PDE3B: variants seen among roughly 807,000 people sequenced by gnomAD.
The protein encoded by PDE3B is phosphodiesterase 3B, also known as cGMP-inhibited 3',5'-cyclic phosphodiesterase 3B.
In PDE3B, 66 loss-of-function variants were observed where a neutral mutation model predicts 116.8. That is an observed-to-expected ratio of 0.56 (90% CI 0.46 to 0.69). PDE3B has a LOEUF of 0.69. PDE3B is among the 30% of genes least tolerant of loss of function. The pLI is 0.00. For synonymous variants in PDE3B, 595 were observed against 533.6 expected, an observed-to-expected ratio of 1.12 and a Z score of -1.59; for missense variants, 1,384 against 1,368.1, an observed-to-expected ratio of 1.01 and a Z score of -0.18.
chr11:14,668,890 G>T (rs1274168411), intron 1 of PDE3B, among the ~76,000 whole-genome samples: 1 of 152,180 alleles, frequency 6.6e-6, no homozygotes, highest in Non-Finnish European at 1.5e-5. Flanking sequence ...GTTTGTCTCG[G>T]ACTGAGATCA....
chr11:14,740,691 GT>G (rs2133864880), intron 1 of PDE3B, among the ~76,000 whole-genome samples: 1 of 152,260 alleles, frequency 6.6e-6, no homozygotes, highest in East Asian at 1.9e-4. Flanking sequence ...TAATTGTGAT[GT>G]TAGTGCATCG....
chr11:14,877,925 C>T, the PDE3B span: 1 of 579,576 alleles, frequency 1.7e-6, no homozygotes, highest in East Asian at 2.9e-5. Flanking sequence ...AGAATTTTAC[C>T]CCAGAAGTCA....
At chr11:14,838,092 C>T (rs1860113777) in intron 11 of PDE3B, among the ~76,000 whole-genome samples, 2 of 151,990 alleles carry the variant, frequency 1.3e-5, no homozygotes, top group African/African-American at 4.8e-5. Flanking sequence ...GATTCTCCTG[C>T]CTCAGCCTCC....
intron 1 of PDE3B, among the ~76,000 whole-genome samples, chr11:14,667,341 G>A (rs1164905714): frequency 6.6e-6 from 1 of 150,704 alleles, no homozygotes; most frequent in Non-Finnish European, 1.5e-5. Context: ...GCTAAATGAC[G>A]AGTTAATGAG....
chr11:14,678,339 T>C (rs1173709175), intron 1 of PDE3B, among the ~76,000 whole-genome samples: 1 of 152,222 alleles, frequency 6.6e-6, no homozygotes, highest in East Asian at 1.9e-4. Flanking sequence ...TTAGTTTTTA[T>C]TCCTCTAGTG....
chr11:14,747,731 T>A (rs370005660), intron 1 of PDE3B, among the ~76,000 whole-genome samples: 36 of 152,248 alleles, frequency 2.4e-4, no homozygotes, highest in African/African-American at 7.7e-4. Context: ...GGCTTAAAAA[T>A]TAATTCATTT....
At chr11:14,733,280 C>G (rs1284535391) in intron 1 of PDE3B, among the ~76,000 whole-genome samples, 1 of 152,054 alleles carries the variant, frequency 6.6e-6, no homozygotes, top group South Asian at 2.1e-4. Context: ...ATATCTCAGC[C>G]CCTAGGATGG....
At chr11:14,683,773 A>G (rs1381890709) in intron 1 of PDE3B, among the ~76,000 whole-genome samples, 4 of 151,816 alleles carry the variant, frequency 2.6e-5, no homozygotes. Context: ...GATTGATTTT[A>G]GAGTTTTATT....
the PDE3B span, among the ~76,000 whole-genome samples, chr11:14,893,252 C>G: frequency 6.6e-6 from 1 of 152,128 alleles, no homozygotes; most frequent in Non-Finnish European, 1.5e-5. Context: ...CATGGAAATA[C>G]AATAATTTTC....
At chr11:14,853,153 TTG>T (rs1163558331) in intron 12 of PDE3B, among the ~76,000 whole-genome samples, 1 of 152,168 alleles carries the variant, frequency 6.6e-6, no homozygotes, top group African/African-American at 2.4e-5. Context: ...TATACGCATT[TTG>T]TCACCTCCTT....
chr11:14,885,814 GGTCT>G, the PDE3B span: 6 of 1,613,110 alleles, frequency 3.7e-6, no homozygotes, highest in East Asian at 2.2e-5. Flanking sequence ...AGGAAGGCAT[GGTCT>G]GTCTGCAAAA....
chr11:14,886,742 T>C, the PDE3B span: 1 of 152,252 alleles, frequency 6.6e-6, no homozygotes, highest in Non-Finnish European at 1.5e-5. Context: ...CAGGATAGCA[T>C]TTTACAGCCA....
At chr11:14,680,000 G>A (rs532211547) in intron 1 of PDE3B, among the ~76,000 whole-genome samples, 6 of 152,230 alleles carry the variant, frequency 3.9e-5, no homozygotes, top group African/African-American at 1.4e-4. Context: ...GAAAGTCAGG[G>A]ATTATACCTA....
rs142083257 is a variant in PDE3B at position 14,708,608 on chromosome 11, A to C, written c.979-63329A>C. Reference sequence around the variant, plus strand: ...TCAGCTGACAAAATTGTACTAGTACAGTAAATCTGATGCAGGTATTTAGTG... The same window carrying C: ...TCAGCTGACAAAATTGTACTAGTACCGTAAATCTGATGCAGGTATTTAGTG... On this transcript the variant is annotated intron_variant, in intron 1 of 15. Transcript: ENST00000282096. Among the ~76,000 whole-genome samples, 11 of 152,208 alleles carry C rather than the reference A, an allele frequency of 7.2e-5. No individual in the cohort carries two copies. In the East Asian group the frequency reaches 2.1e-3, roughly 29 times the overall value.
At chr11:14,879,122 A>G in the PDE3B span, 14 of 1,612,834 alleles carry the variant, frequency 8.7e-6, no homozygotes, top group Non-Finnish European at 1.1e-5. Context: ...ACCTAGGGAA[A>G]AAGGAACCAA....
chr11:14,738,522 T>A (rs1856665503), intron 1 of PDE3B, among the ~76,000 whole-genome samples: 1 of 152,208 alleles, frequency 6.6e-6, no homozygotes, highest in African/African-American at 2.4e-5. Context: ...AGCCCTTTGT[T>A]AGATGGATAG....
intron 12 of PDE3B, among the ~76,000 whole-genome samples, chr11:14,854,025 T>A (rs10732460): frequency 0.65 from 99,017 of 152,118 alleles, 32,349 homozygotes; most frequent in Middle Eastern, 0.71. Flanking sequence ...TAATAGTAAG[T>A]TATGAAGTTC....
intron 1 of PDE3B, among the ~76,000 whole-genome samples, chr11:14,733,084 T>C (rs567760286): frequency 1.2e-4 from 18 of 152,330 alleles, no homozygotes; most frequent in African/African-American, 4.1e-4. Context: ...AGTATGCATA[T>C]TGCTTTACAA....
In PDE3B at chr11:14,643,997, G is replaced by T. The variant is rs998303580; in HGVS notation, c.-79G>T. On this transcript the variant is annotated 5_prime_UTR_variant, in exon 1 of 16. Transcript: ENST00000282096. ...ACCAGGGGGCGCCCCGAACGCGGGG[G>T]TTGGGGTCTGGGAGCGCGAGCGGCC... is the stretch of plus-strand genomic sequence containing the variant. 1.7e-5 allele frequency: 23 copies of T among 1,380,398 alleles called. No individual in the cohort carries two copies. The highest frequency in any genetic ancestry group is 2.0e-5 in the Non-Finnish European group (22 of 1,075,264). 85.5% of individuals were successfully genotyped at this position (1,380,398 alleles called of 1,614,324 possible).
Sources: allele counts gnomAD v4.1 joint callset (sites outside exome capture counted in the v4.1 genomes callset), GRCh38; gene constraint gnomAD v4.1.1; transcripts MANE v1.5; gene names NCBI Gene and HGNC (gene_info 2026-07-23, HGNC 2026-07-21).